The following RAD51B variants were observed in gnomAD, a reference collection of about 807,000 sequenced individuals.
RAD51B encodes the protein RAD51 paralog B.
RAD51B carries 38 observed loss-of-function variants against 42.2 expected under a neutral mutation model. That is an observed-to-expected ratio of 0.90 (90% CI 0.70 to 1.18). RAD51B has a LOEUF of 1.18. RAD51B is among the 50% of genes most tolerant of loss of function. RAD51B has a pLI of 0.00. For synonymous variants in RAD51B, 154 were observed against 145.2 expected (o/e 1.06, Z -0.43); for missense variants, 373 against 400.7 (o/e 0.93, Z 0.59).
In RAD51B at chr14:68,067,323, G is replaced by A. The variant is rs542525059; in HGVS notation, c.756+180119G>A. ...TACTAAAAATATAAAAATTAGCCAGGCGTGGTGGCAGGCGCCTGTAATCCC... is the reference window on the plus strand; with the variant it reads ...TACTAAAAATATAAAAATTAGCCAGACGTGGTGGCAGGCGCCTGTAATCCC... On this transcript the variant is annotated intron_variant, in intron 7 of 10. Coordinates refer to ENST00000471583, the MANE Select transcript of RAD51B (RefSeq NM_133510.4). 6.9e-4 allele frequency among the ~76,000 whole-genome samples: 105 copies of A among 151,874 alleles called. 1 individual carries two copies. The highest frequency in any genetic ancestry group is 2.5e-3 in the African/African-American group (105 of 41,396).
intron 7 of RAD51B, among the ~76,000 whole-genome samples, chr14:68,047,434 C>G (rs965925467): frequency 1.6e-4 from 24 of 151,862 alleles, no homozygotes; most frequent in African/African-American, 5.8e-4. Flanking sequence ...AAATGTGCAC[C>G]TTTTGTGGGA....
At chr14:67,940,023 C>CATATTTATATAT (rs2045108903) in intron 7 of RAD51B, among the ~76,000 whole-genome samples, 3 of 34,324 alleles carry the variant, frequency 8.7e-5, no homozygotes, top group African/African-American at 3.7e-4. Context: ...TTGATAGATG[C>CATATTTATATAT]ATATATATAT....
chr14:68,334,069 G>A (rs182087391), intron 8 of RAD51B, among the ~76,000 whole-genome samples: 3 of 152,098 alleles, frequency 2.0e-5, no homozygotes, highest in East Asian at 1.9e-4. Flanking sequence ...TTAACATAAT[G>A]TCTTCCAGGT....
chr14:68,599,466 T>C (rs1009422461), downstream of RAD51B, among the ~76,000 whole-genome samples: 3 of 152,276 alleles, frequency 2.0e-5, no homozygotes, highest in Middle Eastern at 6.8e-3. Context: ...CTAGGTGGTC[T>C]CTTCCAGGTT....
chr14:68,414,976 G>A (rs536271127), intron 9 of RAD51B, among the ~76,000 whole-genome samples: 2 of 133,904 alleles, frequency 1.5e-5, no homozygotes, highest in African/African-American at 5.6e-5. Flanking sequence ...AGGTTACAGT[G>A]AGTAGAGAGT....
intron 8 of RAD51B, among the ~76,000 whole-genome samples, chr14:68,402,047 T>A (rs1277764598): frequency 6.6e-6 from 1 of 152,172 alleles, no homozygotes; most frequent in Non-Finnish European, 1.5e-5. Flanking sequence ...GGAAGTAGAA[T>A]GCACCCTAAA....
At chr14:68,540,715 G>A (rs555125884) in intron 10 of RAD51B, 109 of 985,436 alleles carry the variant, frequency 1.1e-4, no homozygotes, top group Admixed American at 1.8e-4. Context: ...AAAAGAAAGA[G>A]AGGGTGGGTT....
At chr14:67,942,967 G>A (rs1490651891) in intron 7 of RAD51B, among the ~76,000 whole-genome samples, 2 of 152,058 alleles carry the variant, frequency 1.3e-5, no homozygotes, top group Non-Finnish European at 2.9e-5. Flanking sequence ...GTTTTCTGTG[G>A]TGGCAGGTCT....
chr14:67,986,624 T>G (rs1369268753), intron 7 of RAD51B, among the ~76,000 whole-genome samples: 1 of 152,218 alleles, frequency 6.6e-6, no homozygotes, highest in Non-Finnish European at 1.5e-5. Context: ...TTTCTCAAGA[T>G]TGGGAATATC....
At chr14:68,049,412 T>C (rs1385301158) in intron 7 of RAD51B, among the ~76,000 whole-genome samples, 2 of 152,164 alleles carry the variant, frequency 1.3e-5, no homozygotes, top group Non-Finnish European at 2.9e-5. Flanking sequence ...ATCAGTAACT[T>C]GGATACTTTG....
At chr14:68,629,664 G>T (rs1892180137) in intron 10 of RAD51B, among the ~76,000 whole-genome samples, 1 of 152,200 alleles carries the variant, frequency 6.6e-6, no homozygotes, top group Non-Finnish European at 1.5e-5. Flanking sequence ...TGTGATGCCT[G>T]TTTGAGGCCT....
chr14:67,877,400 G>C (rs2042761766), intron 5 of RAD51B, among the ~76,000 whole-genome samples: 1 of 152,054 alleles, frequency 6.6e-6, no homozygotes, highest in Non-Finnish European at 1.5e-5. Flanking sequence ...CCACTGAACT[G>C]TGGTTGGAAA....
At chr14:68,170,575 T>A (rs1238285956) in intron 7 of RAD51B, among the ~76,000 whole-genome samples, 4 of 152,234 alleles carry the variant, frequency 2.6e-5, no homozygotes, top group Admixed American at 2.6e-4. Flanking sequence ...TAACATTTTG[T>A]CATATTTCTT....
chr14:68,372,244 C>T (rs1016784340), intron 8 of RAD51B, among the ~76,000 whole-genome samples: 8 of 152,102 alleles, frequency 5.3e-5, no homozygotes, highest in African/African-American at 1.9e-4. Context: ...GGACATAAGC[C>T]TGCCTGGGGT....
At chr14:67,940,053 T>TA (rs2045136112) in intron 7 of RAD51B, among the ~76,000 whole-genome samples, 1 of 18,798 alleles carries the variant, frequency 5.3e-5, no homozygotes, top group African/African-American at 1.4e-4. Context: ...TATATATATA[T>TA]ATTTTTTTTT....
intron 8 of RAD51B, among the ~76,000 whole-genome samples, chr14:68,342,741 T>C (rs2082596744): frequency 6.6e-6 from 1 of 152,208 alleles, no homozygotes; most frequent in Non-Finnish European, 1.5e-5. Context: ...GGGGAGCAGA[T>C]CATTTGGTAA....
chr14:68,675,135 G>C (rs1893277028), intron 11 of RAD51B, among the ~76,000 whole-genome samples: 1 of 152,184 alleles, frequency 6.6e-6, no homozygotes, highest in Non-Finnish European at 1.5e-5. Flanking sequence ...AAAGGAGAGA[G>C]AGGACAAAGG....
chr14:68,318,396 G>GA (rs1566805376), intron 8 of RAD51B, among the ~76,000 whole-genome samples: 1 of 151,566 alleles, frequency 6.6e-6, no homozygotes, highest in Non-Finnish European at 1.5e-5. Flanking sequence ...CTGAGAAAAA[G>GA]AAAAAAAAGA....
chr14:68,269,111 T>C (rs1031730973), intron 7 of RAD51B, among the ~76,000 whole-genome samples: 34 of 152,200 alleles, frequency 2.2e-4, no homozygotes, highest in African/African-American at 7.2e-4. Flanking sequence ...TAATTTCTTT[T>C]TTCCCCCCAG....
Sources: gnomAD v4.1 joint callset for allele counts (sites outside exome capture counted in the v4.1 genomes callset) on GRCh38, gnomAD v4.1.1 for gene constraint, MANE v1.5 for transcripts, NCBI Gene and HGNC (gene_info 2026-07-23, HGNC 2026-07-21) for gene names.